The following RSU1 variants were observed in gnomAD, a reference collection of about 807,000 sequenced individuals.
The protein encoded by RSU1 is Ras suppressor protein 1, also known as rsu-1.
Under a neutral mutation model 31.1 loss-of-function variants are expected in RSU1, and 26 were observed. The ratio of observed to expected loss-of-function variants is 0.84; its 90% CI spans 0.61 to 1.16. RSU1 has a LOEUF of 1.16. RSU1 is among the 50% of genes most tolerant of loss of function. The probability of loss-of-function intolerance (pLI) is 0.00; values close to 1 mark genes in which losing one functional copy is unlikely to be tolerated. For synonymous variants in RSU1, 164 were observed against 136.3 expected, an observed-to-expected ratio of 1.20 and a Z score of -1.41; for missense variants, 320 against 339.1, an observed-to-expected ratio of 0.94 and a Z score of 0.44.
chr10:16,661,337 TATG>T (rs1834887464), intron 8 of RSU1, among the ~76,000 whole-genome samples: 2 of 150,548 alleles, frequency 1.3e-5, no homozygotes, highest in African/African-American at 4.9e-5. Flanking sequence ...TGTAAGTATT[TATG>T]ATGACTTCAT....
chr10:16,687,622 T>C (rs1290696616), intron 8 of RSU1, among the ~76,000 whole-genome samples: 1 of 152,182 alleles, frequency 6.6e-6, no homozygotes, highest in Non-Finnish European at 1.5e-5. Flanking sequence ...GTATTCCTCC[T>C]GTCATATTAA....
At chr10:16,675,290 A>C (rs894290399) in intron 8 of RSU1, among the ~76,000 whole-genome samples, 4 of 152,160 alleles carry the variant, frequency 2.6e-5, no homozygotes, top group African/African-American at 9.7e-5. Flanking sequence ...AGGAGGTAAC[A>C]GACTTCAAAA....
intron 7 of RSU1, among the ~76,000 whole-genome samples, chr10:16,706,932 C>T (rs1835916410): frequency 6.6e-6 from 1 of 152,052 alleles, no homozygotes; most frequent in Non-Finnish European, 1.5e-5. Context: ...CTTCCTGTTT[C>T]AAGGATACCA....
rs1177682058 is a variant in RSU1, at chr10:16,796,119, G to A, written c.110-14035C>T. Reference sequence around the variant, plus strand: ...GTCCCTCAACAGTCACTAAATATTAGAAGACCATGGTGTGCCACCTGCTCT... The same window carrying A: ...GTCCCTCAACAGTCACTAAATATTAAAAGACCATGGTGTGCCACCTGCTCT... On this transcript the variant is annotated intron_variant, in intron 2 of 8. Transcript: ENST00000345264. Among the ~76,000 whole-genome samples the A allele has an allele frequency of 2.0e-5, 3 of 152,134 alleles. No individual in the cohort carries two copies. In the East Asian group the frequency reaches 5.8e-4, roughly 29 times the overall value.
intron 8 of RSU1, among the ~76,000 whole-genome samples, chr10:16,692,582 A>G (rs1835582068): frequency 6.6e-6 from 1 of 152,190 alleles, no homozygotes; most frequent in Non-Finnish European, 1.5e-5. Context: ...CCTGTTTACT[A>G]AGAAAAAATT....
chr10:16,816,405 C>T (rs1473180092), intron 2 of RSU1, among the ~76,000 whole-genome samples: 1 of 152,104 alleles, frequency 6.6e-6, no homozygotes, highest in Admixed American at 6.5e-5. Context: ...GAAAATGACA[C>T]TGAAAGTGAC....
chr10:16,760,296 G>A (rs1381579441), intron 4 of RSU1, among the ~76,000 whole-genome samples: 4 of 152,100 alleles, frequency 2.6e-5, no homozygotes, highest in African/African-American at 7.2e-5. Flanking sequence ...GATCACCTGA[G>A]GTCAGGAGTT....
intron 2 of RSU1, among the ~76,000 whole-genome samples, chr10:16,804,095 T>C (rs1403111640): frequency 6.6e-6 from 1 of 151,706 alleles, no homozygotes; most frequent in African/African-American, 2.4e-5. Flanking sequence ...AGAACTAGTA[T>C]CCAAAATATA....
At chr10:16,712,499 T>G (rs1836041771) in intron 7 of RSU1, among the ~76,000 whole-genome samples, 1 of 152,170 alleles carries the variant, frequency 6.6e-6, no homozygotes, top group Non-Finnish European at 1.5e-5. Context: ...CTGTCGTAAT[T>G]TCTTTCTTTG....
chr10:16,715,267 GT>G (rs1317255150), intron 7 of RSU1, among the ~76,000 whole-genome samples: 1 of 152,194 alleles, frequency 6.6e-6, no homozygotes, highest in African/African-American at 2.4e-5. Flanking sequence ...TTTTCATTGT[GT>G]TGATGTTGTC....
intron 4 of RSU1, among the ~76,000 whole-genome samples, chr10:16,761,623 G>A (rs551351027): frequency 2.0e-3 from 303 of 152,228 alleles, no homozygotes; most frequent in Non-Finnish European, 3.0e-3. Context: ...TTGGGAGGCC[G>A]AGGCGGGTGG....
At chr10:16,650,008 A>G (rs897932620) in intron 8 of RSU1, among the ~76,000 whole-genome samples, 1 of 152,236 alleles carries the variant, frequency 6.6e-6, no homozygotes, top group Non-Finnish European at 1.5e-5. Flanking sequence ...GGCATTTCTC[A>G]TCACTGACAA....
In RSU1 at chr10:16,745,194, T is replaced by C. The variant is rs143096800; in HGVS notation, c.598+7345A>G. On this transcript the variant is annotated intron_variant, in intron 7 of 8. Coordinates refer to ENST00000345264, the MANE Select transcript of RSU1 (RefSeq NM_012425.4). ...AGCATAAATATCCACTGTGCCCGTA[T>C]GTGTATGTGCGTGTGTGTGTTCATT... 2.4e-4 allele frequency among the ~76,000 whole-genome samples: 36 copies of C among 152,304 alleles called. 1 individual carries two copies. The East Asian group carries it at 5.4e-3, about 23-fold the overall frequency.
intron 7 of RSU1, among the ~76,000 whole-genome samples, chr10:16,739,816 G>C (rs985870946): frequency 5.3e-5 from 8 of 151,968 alleles, no homozygotes; most frequent in African/African-American, 1.9e-4. Context: ...TCTCCATGTT[G>C]GTCAGGCTAG....
intron 4 of RSU1, among the ~76,000 whole-genome samples, chr10:16,759,972 A>G (rs568845706): frequency 6.6e-6 from 1 of 152,154 alleles, no homozygotes; most frequent in Admixed American, 6.5e-5. Context: ...AGTCCTCCCT[A>G]TAACTTGCCT....
intron 8 of RSU1, among the ~76,000 whole-genome samples, chr10:16,646,091 TAC>T (rs1834566176): frequency 8.6e-6 from 1 of 115,992 alleles, no homozygotes; most frequent in African/African-American, 4.7e-5. Context: ...CACACACACA[TAC>T]ATATATAAAT....
chr10:16,641,956 G>C (rs1285258388), intron 8 of RSU1, among the ~76,000 whole-genome samples: 1 of 152,210 alleles, frequency 6.6e-6, no homozygotes, highest in Non-Finnish European at 1.5e-5. Context: ...TGCTCCAAGT[G>C]TGAAAAGTGT....
chr10:16,747,575 A>G (rs999450080), intron 7 of RSU1, among the ~76,000 whole-genome samples: 1 of 152,196 alleles, frequency 6.6e-6, no homozygotes, highest in Non-Finnish European at 1.5e-5. Context: ...CAGATCCAGT[A>G]TCCGACCATT....
At position 16,609,785 on chromosome 10, in the gene RSU1, TTTAG is replaced by T. The variant is rs1399338213; in HGVS notation, c.732-16293_732-16290del. ...AAAAGGTAAAACAAGCCCTCTTTTA[TTTAG>T]TATTTGCTCACTGAATACCTCGAGT... On this transcript the variant is annotated intron_variant, in intron 8 of 8. Coordinates refer to ENST00000345264, the MANE Select transcript of RSU1 (RefSeq NM_012425.4). Among the ~76,000 whole-genome samples, 4 of 152,350 alleles carry T rather than the reference TTTAG, an allele frequency of 2.6e-5. No homozygotes were observed. In the East Asian group the frequency reaches 7.7e-4, roughly 29 times the overall value.
Sources: allele counts gnomAD v4.1 joint callset (sites outside exome capture counted in the v4.1 genomes callset), GRCh38; gene constraint gnomAD v4.1.1; transcripts MANE v1.5; gene names NCBI Gene and HGNC (gene_info 2026-07-23, HGNC 2026-07-21).